The following CFAP100 variants were observed in gnomAD, a reference collection of about 807,000 sequenced individuals.
CFAP100 encodes the protein cilia and flagella associated protein 100, also known as cilia- and flagella-associated protein 100.
Under a neutral mutation model 81.5 loss-of-function variants are expected in CFAP100, and 70 were observed. The observed-to-expected ratio is 0.86, with a 90% CI of 0.71 to 1.05. The LOEUF (loss-of-function observed/expected upper bound fraction) is 1.05, where lower values mean the gene tolerates loss of function less well. Among genes scored for constraint, CFAP100 ranks in the 50% least tolerant of loss-of-function variants. The pLI, the probability that CFAP100 is intolerant of heterozygous loss-of-function variation, is 0.00. For missense variants in CFAP100, 811 were observed against 776.5 expected, an observed-to-expected ratio of 1.04 and a Z score of -0.53; for synonymous variants, 341 against 314.8, an observed-to-expected ratio of 1.08 and a Z score of -0.88.
At chr3:126,411,361 G>GTTTTTTTTTTTTTTTTTTTTTTTTT (rs58954079) in intron 3 of CFAP100, among the ~76,000 whole-genome samples, 8 of 35,384 alleles carry the variant, frequency 2.3e-4, no homozygotes, top group Admixed American at 5.4e-4. Flanking sequence ...GTTGTTGTTG[G>GTTTTTTTTTTTTTTTTTTTTTTTTT]TTTTTTTTTT....
intron 3 of CFAP100, among the ~76,000 whole-genome samples, chr3:126,409,058 G>A (rs1450652550): frequency 6.6e-6 from 1 of 152,186 alleles, no homozygotes; most frequent in Admixed American, 6.5e-5. Context: ...CAAAGTGCTG[G>A]GATTACAGGC....
At chr3:126,412,823 T>C (rs182304908) in intron 3 of CFAP100, among the ~76,000 whole-genome samples, 1 of 152,316 alleles carries the variant, frequency 6.6e-6, no homozygotes, top group Non-Finnish European at 1.5e-5. Context: ...TGGCAGAGTA[T>C]CTGACTGCTC....
At chr3:126,396,311 T>C (rs1308505295) in intron 2 of CFAP100, among the ~76,000 whole-genome samples, 1 of 152,192 alleles carries the variant, frequency 6.6e-6, no homozygotes, top group Non-Finnish European at 1.5e-5. Context: ...TCCAAAAGGC[T>C]AGGTCCCTCC....
intron 13 of CFAP100, among the ~76,000 whole-genome samples, chr3:126,423,875 C>T (rs888646648): frequency 1.3e-5 from 2 of 152,240 alleles, no homozygotes; most frequent in African/African-American, 2.4e-5. Context: ...CCTGAAGCAG[C>T]CCATGGCTAG....
intron 13 of CFAP100, among the ~76,000 whole-genome samples, chr3:126,425,965 AAAC>A (rs990649087): frequency 2.6e-5 from 4 of 152,234 alleles, no homozygotes; most frequent in African/African-American, 7.2e-5. Flanking sequence ...GAAACAAAAA[AAAC>A]AACAACTAGA....
chr3:126,395,641 C>T (rs540652258), intron 1 of CFAP100, among the ~76,000 whole-genome samples: 1 of 152,160 alleles, frequency 6.6e-6, no homozygotes, highest in Admixed American at 6.5e-5. Context: ...CATTTGAGCT[C>T]GGAATTGAAG....
intron 11 of CFAP100, 111 bp downstream of exon 11, chr3:126,420,340 A>G: frequency 1.4e-6 from 2 of 1,429,950 alleles, no homozygotes; most frequent in Non-Finnish European, 1.9e-6. Context: ...TGTGTTACTC[A>G]CAGTCCCTAC....
Position 126,414,180 on chromosome 3 carries a change from G to T in CFAP100, c.225+1G>T. On this transcript the variant is annotated splice_donor_variant, in intron 4 of 16. Coordinates refer to ENST00000352312, the MANE Select transcript of CFAP100 (RefSeq NM_182628.3). LOFTEE classifies it high-confidence loss of function. ...TCAGGAGCGGAATAAGGCTCTCTCCGTGAGTATCCAGGACAGACGCCAGCA... is the reference window on the plus strand; with the variant it reads ...TCAGGAGCGGAATAAGGCTCTCTCCTTGAGTATCCAGGACAGACGCCAGCA... 1.2e-6 allele frequency: 2 copies of T among 1,610,276 alleles called. No homozygotes were observed. The highest frequency in any genetic ancestry group is 1.7e-6 in the Non-Finnish European group (2 of 1,176,484).
intron 2 of CFAP100, among the ~76,000 whole-genome samples, chr3:126,406,552 C>T (rs1028525542): frequency 1.3e-5 from 2 of 152,226 alleles, no homozygotes; most frequent in Non-Finnish European, 2.9e-5. Flanking sequence ...CACAGCAAGG[C>T]ATTGGAGACC....
At chr3:126,411,100 G>T (rs2083145990) in intron 3 of CFAP100, among the ~76,000 whole-genome samples, 1 of 152,174 alleles carries the variant, frequency 6.6e-6, no homozygotes, top group South Asian at 2.1e-4. Context: ...TCATAAAGGG[G>T]TGCTGAATAT....
chr3:126,415,779 G>A (rs1221760210), intron 4 of CFAP100, among the ~76,000 whole-genome samples: 1 of 152,072 alleles, frequency 6.6e-6, no homozygotes, highest in South Asian at 2.1e-4. Flanking sequence ...GTGGGGAGGT[G>A]AGTCCTGCCT....
intron 2 of CFAP100, among the ~76,000 whole-genome samples, chr3:126,401,995 C>T (rs2082992119): frequency 6.6e-6 from 1 of 152,220 alleles, no homozygotes; most frequent in Admixed American, 6.5e-5. Flanking sequence ...CTGATTGCCC[C>T]AGCTACTGGA....
intron 3 of CFAP100, 126 bp from the exon 4 acceptor site, chr3:126,413,959 A>C: frequency 1.4e-6 from 1 of 727,188 alleles, no homozygotes; most frequent in Non-Finnish European, 2.5e-6. Context: ...AGCTGGATCC[A>C]GGGGGAACCT....
At chr3:126,427,746 C>A (rs1412651559) in intron 13 of CFAP100, among the ~76,000 whole-genome samples, 4 of 152,136 alleles carry the variant, frequency 2.6e-5, no homozygotes, top group African/African-American at 9.7e-5. Context: ...TTGGATCTGG[C>A]CATTCCAATA....
chr3:126,404,737 C>T (rs1186978875), intron 2 of CFAP100, among the ~76,000 whole-genome samples: 2 of 152,130 alleles, frequency 1.3e-5, no homozygotes, highest in East Asian at 3.9e-4. Context: ...TGCAGTGACA[C>T]AATCTTGGCT....
chr3:126,423,413 G>A (rs769791789), intron 12 of CFAP100, 37 bp downstream of exon 12: 17 of 1,608,690 alleles, frequency 1.1e-5, no homozygotes, highest in African/African-American at 4.0e-5. Context: ...TTCGGAAGTC[G>A]CCCCTCTCTT....
chr3:126,433,428 T>A (rs1316163897), intron 14 of CFAP100: 1 of 560,550 alleles, frequency 1.8e-6, no homozygotes, highest in Admixed American at 3.1e-5. Context: ...ATTCTTTTAT[T>A]CAACAAATGT....
At position 126,419,155 on chromosome 3, in the gene CFAP100, A is replaced by G. The variant is rs773255978; in HGVS notation, c.730A>G (p.Ser244Gly). The G allele has an allele frequency of 1.1e-5, 17 of 1,557,200 alleles. No homozygotes were observed. The highest frequency in any genetic ancestry group is 1.2e-5 in the Non-Finnish European group (14 of 1,149,010). The change falls in exon 8 of 17, where the codon AGT (serine) becomes GGT (glycine). Residue 244 changes from serine to glycine, a missense_variant and splice_region_variant. Ser to Gly is a moderately conservative substitution (Grantham distance 56). Coordinates refer to ENST00000352312, the MANE Select transcript of CFAP100 (RefSeq NM_182628.3). The part of the protein sequence containing the change: ...DLTTQIVNIK[S>G]EISRFEDTLK... ...CACCACCCAGATTGTTAATATCAAA[A>G]GGTGAGGTCAGAGGGCATGCTGGCC...
chr3:126,412,063 G>A (rs1400356928), intron 3 of CFAP100, among the ~76,000 whole-genome samples: 1 of 152,102 alleles, frequency 6.6e-6, no homozygotes, highest in African/African-American at 2.4e-5. Flanking sequence ...TTCCTCTTGG[G>A]ACCGCTTTTC....
Sources: gnomAD v4.1 joint callset for allele counts (sites outside exome capture counted in the v4.1 genomes callset) on GRCh38, gnomAD v4.1.1 for gene constraint, MANE v1.5 for transcripts, NCBI Gene and HGNC (gene_info 2026-07-23, HGNC 2026-07-21) for gene names.